GIMAP6: variants seen among roughly 807,000 people sequenced by gnomAD.
GIMAP6 encodes the protein GTPase, IMAP family member 6.
In GIMAP6, 6 loss-of-function variants were observed where a neutral mutation model predicts 9.3. The ratio of observed to expected loss-of-function variants is 0.65; its 90% CI spans 0.35 to 1.27. The LOEUF (loss-of-function observed/expected upper bound fraction) is 1.27. Ranked by LOEUF, GIMAP6 falls within the 50% of genes most tolerant of loss-of-function variation. The probability of loss-of-function intolerance (pLI) is 0.03; values close to 1 mark genes in which losing one functional copy is unlikely to be tolerated. For synonymous variants in GIMAP6, 156 were observed against 151.1 expected, an observed-to-expected ratio of 1.03 and a Z score of -0.24; for missense variants, 333 against 359.5, an observed-to-expected ratio of 0.93 and a Z score of 0.60.
At position 150,628,385 on chromosome 7, in the gene GIMAP6, G is replaced by A; in HGVS notation, c.213C>T (p.Ser71=). 6.2e-7 allele frequency: 1 copy of A among 1,614,146 alleles called. No homozygotes were observed. The highest frequency in any genetic ancestry group is 8.5e-7 in the Non-Finnish European group (1 of 1,180,006). Residue 71 remains serine, a synonymous_variant, in exon 3 of 3, where the codon AGC becomes AGT. Coordinates refer to ENST00000328902, the MANE Select transcript of GIMAP6 (RefSeq NM_024711.6). The part of the protein sequence containing the change: ...LGRDVFESKL[S]TRPVTKTSQR... ...GGGAGGTCTTGGTCACGGGTCTGGT[G>A]CTGAGTTTAGACTCGAAGACGTCCC...
chr7:150,627,295 T>A lies in GIMAP6; in HGVS notation c.*424A>T, dbSNP rs1055881362. 2 of 236,902 alleles carry A rather than the reference T, an allele frequency of 8.4e-6. No homozygotes were observed. The highest frequency in any genetic ancestry group is 1.0e-4 in the Admixed American group (2 of 19,258). 14.7% of individuals were successfully genotyped at this position (236,902 alleles called of 1,614,324 possible). A position where few individuals can be genotyped will look rare whatever the true frequency, so the allele number is the denominator to read the frequency against. The stretch of plus-strand genomic sequence containing the variant: ...TGGGGAGAGATGAGAAGTCATCTGG[T>A]CAACAGCTTGCATGGAGTTGCCGCA... On this transcript the variant is annotated 3_prime_UTR_variant, in exon 3 of 3. Coordinates refer to ENST00000328902, the MANE Select transcript of GIMAP6 (RefSeq NM_024711.6).
At chr7:150,628,834 C>A (rs1451031264) in intron 2 of GIMAP6, 3 of 1,085,494 alleles carry the variant, frequency 2.8e-6, no homozygotes, top group African/African-American at 1.6e-5. Context: ...CCTGGCCTTG[C>A]GGGTCCCAAG....
rs929906785 is a variant in GIMAP6, at chr7:150,627,996, T to A, written c.602A>T (p.Asn201Ile). The A allele has an allele frequency of 1.2e-6, 2 of 1,614,150 alleles. No homozygotes were observed. The highest frequency in any genetic ancestry group is 1.7e-6 in the Non-Finnish European group (2 of 1,180,048). Residue 201 changes from asparagine (N) to isoleucine (I), a missense_variant, in exon 3 of 3, where the codon AAC becomes ATC. Physicochemically the swap from Asn to Ile is moderately radical, Grantham distance 149 (BLOSUM62 -3). Transcript: ENST00000328902. ...TLARRHCGFN[N>I]RAQGEEQEAQ... ...CTCCTGCTCCTCCCCCTGTGCCCTG[T>A]TGTTGAAGCCGCAATGGCGCCGTGC...
intron 2 of GIMAP6, chr7:150,628,794 G>T (rs978076616): frequency 7.3e-6 from 10 of 1,379,218 alleles, no homozygotes; most frequent in Non-Finnish European, 9.5e-6. Context: ...GATATGACTG[G>T]GGAAGAAGGC....
rs574306482 is a variant in GIMAP6, at chr7:150,629,986, A to C, written c.85+72T>G. On this transcript the variant is annotated intron_variant, in intron 2 of 2. Transcript: ENST00000328902. ...CGTCAGCTTCCTCTCCAAGCACACT[A>C]TGGTGGTGGAGCTGTGTCCCACCTG... 2.0e-3 allele frequency: 1,978 copies of C among 992,292 alleles called. 22 individuals carry two copies. Among genetic ancestry groups the C allele is most frequent in the South Asian group, 0.016 (1,131 of 70,078 alleles). 61.5% of individuals were successfully genotyped at this position (992,292 alleles called of 1,614,324 possible).
intron 1 of GIMAP6, among the ~76,000 whole-genome samples, chr7:150,631,198 T>A (rs898572514): frequency 6.6e-6 from 1 of 152,230 alleles, no homozygotes; most frequent in Admixed American, 6.5e-5. Context: ...TGTTCTATTC[T>A]GTTCACCTGG....
At position 150,627,880 on chromosome 7, in the gene GIMAP6, G is replaced by A. The variant is rs1796321842; in HGVS notation, c.718C>T (p.Gln240Ter). The A allele has an allele frequency of 6.2e-7, 1 of 1,614,246 alleles. No homozygotes were observed. Among genetic ancestry groups the A allele is most frequent in the Non-Finnish European group, 8.5e-7 (1 of 1,180,044 alleles). The change falls in exon 3 of 3, where the codon CAG becomes TAG. Residue 240 changes from glutamine to a stop codon, truncating the protein, a stop_gained. Transcript: ENST00000328902. LOFTEE classifies it low-confidence loss of function (END_TRUNC). The stretch of plus-strand genomic sequence containing the variant: ...AGTTCTTTCAGCCGAAAGTTTTGCT[G>A]GGTATATTGGTAAGCCTTGTTGCTG... ...YYSNKAYQYT[Q>*]QNFRLKELQE...
chr7:150,629,020 CT>C (rs1030832331), intron 2 of GIMAP6, among the ~76,000 whole-genome samples: 2 of 152,228 alleles, frequency 1.3e-5, no homozygotes, highest in African/African-American at 4.8e-5. Context: ...GACAGCCACC[CT>C]TGGCTCTGAC....
Position 150,628,061 on chromosome 7 carries a change from C to T in GIMAP6, c.537G>A (p.Glu179=). 1 of 1,614,184 alleles carries T rather than the reference C, an allele frequency of 6.2e-7. No homozygotes were observed. Among genetic ancestry groups the T allele is most frequent in the South Asian group, 1.1e-5 (1 of 91,082 alleles). The part of the protein sequence containing the change: ...AGGSLEDYVR[E]TNNQALAWLD... ...GCCAGGCAAGGGCCTGGTTGTTGGTCTCTCGCACATAGTCTTCCAGGGAGC... is the reference window on the plus strand; with the variant it reads ...GCCAGGCAAGGGCCTGGTTGTTGGTTTCTCGCACATAGTCTTCCAGGGAGC... The change falls in exon 3 of 3, where the codon GAG becomes GAA. Residue 179 remains glutamate, a synonymous_variant. Transcript: ENST00000328902.
In GIMAP6 at chr7:150,628,463, G is replaced by A. The variant is rs780101306; in HGVS notation, c.135C>T (p.Leu45=). 4 of 1,614,162 alleles carry A rather than the reference G, an allele frequency of 2.5e-6. No homozygotes were observed. Among genetic ancestry groups the A allele is most frequent in the South Asian group, 1.1e-5 (1 of 91,078 alleles). Residue 45 remains leucine, a synonymous_variant, in exon 3 of 3, where the codon CTC becomes CTT. Coordinates refer to ENST00000328902, the MANE Select transcript of GIMAP6 (RefSeq NM_024711.6). ...TCTTCCCACTCCCTGTTTTCCCCAT[G>A]AGAATGAGCCTCAGTCTCCTTGGGG... The part of the protein sequence containing the change: ...QKTPRRLRLI[L]MGKTGSGKSA...
At chr7:150,631,055 T>C (rs1796384387) in intron 1 of GIMAP6, among the ~76,000 whole-genome samples, 1 of 152,210 alleles carries the variant, frequency 6.6e-6, no homozygotes, top group Non-Finnish European at 1.5e-5. Flanking sequence ...GGTCCATGAC[T>C]GTTTTTCCAG....
Position 150,628,495 on chromosome 7 carries a change from G to A in GIMAP6, c.103C>T (p.Gln35Ter). ...AGCCTCAGTCTCCTTGGGGTCTTCTGTTCTTTCTCCCTTAGACCTAGAAAT... is the reference window on the plus strand; with the variant it reads ...AGCCTCAGTCTCCTTGGGGTCTTCTATTCTTTCTCCCTTAGACCTAGAAAT... ...ELSGGLREKE[Q>*]KTPRRLRLIL... The change falls in exon 3 of 3, where the codon CAG becomes TAG. Residue 35 changes from glutamine (Q) to a stop codon, truncating the protein, a stop_gained. Coordinates refer to ENST00000328902, the MANE Select transcript of GIMAP6 (RefSeq NM_024711.6). LOFTEE classifies it high-confidence loss of function. 1 of 1,613,832 alleles carries A rather than the reference G, an allele frequency of 6.2e-7. No homozygotes were observed. Among genetic ancestry groups the A allele is most frequent in the Non-Finnish European group, 8.5e-7 (1 of 1,180,022 alleles).
intron 2 of GIMAP6, among the ~76,000 whole-genome samples, chr7:150,629,472 C>T (rs1015845382): frequency 5.3e-5 from 8 of 152,268 alleles, no homozygotes; most frequent in African/African-American, 1.9e-4. Flanking sequence ...GGGTTTCCAG[C>T]ATTTGTAAAT....
chr7:150,627,792 A>C lies in GIMAP6; in HGVS notation c.806T>G (p.Leu269Arg), dbSNP rs878898762. 6.2e-7 allele frequency: 1 copy of C among 1,614,226 alleles called. No homozygotes were observed. Among genetic ancestry groups the C allele is most frequent in the Non-Finnish European group, 8.5e-7 (1 of 1,180,032 alleles). ...SEDVPGEESW[L>R]EGLSQIQKES... ...CTTCTGGATCTGGGACAGTCCTTCC[A>C]GCCAAGACTCCTCACCAGGCACGTC... Residue 269 changes from leucine to arginine, a missense_variant, in exon 3 of 3, where the codon CTG (leucine) becomes CGG (arginine). By Grantham distance (102) the Leu-to-Arg change is moderately radical. Transcript: ENST00000328902.
rs894123666 is a variant in GIMAP6, at chr7:150,625,448, C to T, written c.*2271G>A. 1 of 152,164 alleles carries T rather than the reference C, an allele frequency of 6.6e-6. No homozygotes were observed. The highest frequency in any genetic ancestry group is 1.5e-5 in the Non-Finnish European group (1 of 68,030). 9.4% of individuals were successfully genotyped at this position (152,164 alleles called of 1,614,324 possible). A position where few individuals can be genotyped will look rare whatever the true frequency, so the allele number is the denominator to read the frequency against. ...CTTGCCAGTTAGTCGCTGAATGGAT[C>T]TCATTTGGTCAAATGCTTGTGTTTT... On this transcript the variant is annotated 3_prime_UTR_variant, in exon 3 of 3. Coordinates refer to ENST00000328902, the MANE Select transcript of GIMAP6 (RefSeq NM_024711.6).
chr7:150,628,193 G>A lies in GIMAP6; in HGVS notation c.405C>T (p.Phe135=), dbSNP rs1212155268. The part of the protein sequence containing the change: ...AVLLVTQLGR[F]TDEDQQVVRR... Reference sequence around the variant, plus strand: ...TGACCACCTGCTGATCCTCATCCGTGAACCGGCCCAGTTGTGTCACCAGGA... The same window carrying A: ...TGACCACCTGCTGATCCTCATCCGTAAACCGGCCCAGTTGTGTCACCAGGA... The change falls in exon 3 of 3, where the codon TTC becomes TTT. Residue 135 remains phenylalanine (F), a synonymous_variant. Coordinates refer to ENST00000328902, the MANE Select transcript of GIMAP6 (RefSeq NM_024711.6). 6.2e-7 allele frequency: 1 copy of A among 1,614,188 alleles called. No individual in the cohort carries two copies. Among genetic ancestry groups the A allele is most frequent in the East Asian group, 2.2e-5 (1 of 44,880 alleles).
chr7:150,627,747 C>A lies in GIMAP6; in HGVS notation c.851G>T (p.Arg284Ile). 2 of 1,613,970 alleles carry A rather than the reference C, an allele frequency of 1.2e-6. No homozygotes were observed. Among genetic ancestry groups the A allele is most frequent in the Non-Finnish European group, 8.5e-7 (1 of 1,179,880 alleles). ...QIQKESEEAH[R>I]CLLGKADL ...AAGGTCAGCCTTCCCCAGCAGGCAT[C>A]TGTGGGCTTCCTCAGATTCCTTCTG... The change falls in exon 3 of 3, where the codon AGA becomes ATA. Residue 284 changes from arginine to isoleucine, a missense_variant. Arg to Ile is a moderately conservative substitution (Grantham distance 97). Coordinates refer to ENST00000328902, the MANE Select transcript of GIMAP6 (RefSeq NM_024711.6).
intron 2 of GIMAP6, among the ~76,000 whole-genome samples, chr7:150,628,961 G>C (rs533352820): frequency 1.3e-5 from 2 of 152,236 alleles, no homozygotes; most frequent in African/African-American, 4.8e-5. Flanking sequence ...CAGCATGGGC[G>C]TGGCCATCTC....
rs117892872 is a variant in GIMAP6 at position 150,627,717 on chromosome 7, G to A, written c.*2C>T. Reference sequence around the variant, plus strand: ...TGTCCTTGGCTCAAGTCCAGCACAGGCTCAAAGGTCAGCCTTCCCCAGCAG... The same window carrying A: ...TGTCCTTGGCTCAAGTCCAGCACAGACTCAAAGGTCAGCCTTCCCCAGCAG... On this transcript the variant is annotated 3_prime_UTR_variant, in exon 3 of 3. Transcript: ENST00000328902. 13,467 of 1,612,880 alleles carry A rather than the reference G, an allele frequency of 8.3e-3. 86 individuals carry two copies. The highest frequency in any genetic ancestry group is 9.8e-3 in the Non-Finnish European group (11,562 of 1,179,310).
Sources: allele counts gnomAD v4.1 joint callset (sites outside exome capture counted in the v4.1 genomes callset), GRCh38; gene constraint gnomAD v4.1.1; transcripts MANE v1.5; gene names NCBI Gene and HGNC (gene_info 2026-07-23, HGNC 2026-07-21).